The following PTCHD1 variants were observed in gnomAD, a reference collection of about 807,000 sequenced individuals.
PTCHD1 encodes the protein patched domain containing 1, also known as patched domain-containing protein 1.
Under a neutral mutation model 34.6 loss-of-function variants are expected in PTCHD1, and 3 were observed. That is an observed-to-expected ratio of 0.09 (90% CI 0.04 to 0.22). The LOEUF (loss-of-function observed/expected upper bound fraction) is 0.22, where lower values mean the gene tolerates loss of function less well. Among genes scored for constraint, PTCHD1 ranks in the 10% least tolerant of loss-of-function variants. The pLI is 1.00. For synonymous variants in PTCHD1, 305 were observed against 283.1 expected, an observed-to-expected ratio of 1.08 and a Z score of -0.77; for missense variants, 504 against 685.5, an observed-to-expected ratio of 0.74 and a Z score of 2.96.
Position 23,398,000 on chromosome X carries a change from C to G in PTCHD1, c.*3815C>G, listed in dbSNP as rs772789256. ...TAATATCAGTAAATGTCTTTAAATT[C>G]AGCAAATACTTATCGAGTGCCAAAT... On this transcript the variant is annotated 3_prime_UTR_variant, in exon 3 of 3. Coordinates refer to ENST00000379361, the MANE Select transcript of PTCHD1 (RefSeq NM_173495.3). The G allele has an allele frequency of 1.8e-5, 2 of 112,082 alleles. No homozygotes were observed. The highest frequency in any genetic ancestry group is 7.6e-4 in the South Asian group (2 of 2,646). The allele number at this position is 112,082 out of a possible 1,213,427, so 9.2% of individuals were successfully genotyped here. A position where few individuals can be genotyped will look rare whatever the true frequency, so the allele number is the denominator to read the frequency against.
At chrX:23,375,403 C>T (rs1283323637) in intron 1 of PTCHD1, among the ~76,000 whole-genome samples, 3 of 109,997 alleles carry the variant, frequency 2.7e-5, no homozygotes, top group African/African-American at 1.0e-4. Flanking sequence ...CATTCTCCTG[C>T]CTCAGCCTCC....
chrX:23,391,036 G>T (rs1339804427), intron 2 of PTCHD1, among the ~76,000 whole-genome samples: 1 of 111,866 alleles, frequency 8.9e-6, no homozygotes, highest in Non-Finnish European at 1.9e-5. Context: ...ACTTTGGTGA[G>T]CCTTCCAATG....
intron 2 of PTCHD1, among the ~76,000 whole-genome samples, chrX:23,389,471 A>G (rs1163377911): frequency 8.9e-6 from 1 of 111,984 alleles, no homozygotes; most frequent in Non-Finnish European, 1.9e-5. Context: ...GGTATCAGCA[A>G]TTGTCCCAGA....
rs1289452959 is a variant in PTCHD1 at position 23,402,748 on chromosome X, A to C, written c.*8563A>C. ...GCTAGGCCCAAACAAAAGAAATTTC[A>C]GCTTGGTTTTAGTAATTTCTTGATC... On this transcript the variant is annotated 3_prime_UTR_variant, in exon 3 of 3. Transcript: ENST00000379361. 8.9e-6 allele frequency: 1 copy of C among 112,456 alleles called. No homozygotes were observed. The highest frequency in any genetic ancestry group is 1.9e-5 in the Non-Finnish European group (1 of 53,316). The allele number at this position is 112,456 out of a possible 1,213,427, so 9.3% of individuals were successfully genotyped here. A position where few individuals can be genotyped will look rare whatever the true frequency, so the allele number is the denominator to read the frequency against.
intron 1 of PTCHD1, among the ~76,000 whole-genome samples, chrX:23,365,579 G>C (rs778231312): frequency 1.8e-5 from 2 of 111,640 alleles, no homozygotes; most frequent in South Asian, 7.7e-4. Context: ...CAGTCACACT[G>C]GGGGAAGCTC....
chrX:23,335,370 G>A (rs1921140254), intron 1 of PTCHD1, 144 bp downstream of exon 1: 3 of 504,624 alleles, frequency 5.9e-6, no homozygotes, highest in East Asian at 7.4e-5. Flanking sequence ...GCGCCCCAGG[G>A]CGGCCGACTG....
chrX:23,388,702 G>A (rs966810332), intron 2 of PTCHD1, among the ~76,000 whole-genome samples: 3 of 111,986 alleles, frequency 2.7e-5, no homozygotes, highest in Non-Finnish European at 5.6e-5. Context: ...GTGGTGGCAT[G>A]TGCCTGTAAT....
Position 23,380,194 on chromosome X carries a change from A to C in PTCHD1, c.955A>C (p.Asn319His). Residue 319 changes from asparagine (N) to histidine (H), a missense_variant, in exon 2 of 3, where the codon AAT (asparagine) becomes CAT (histidine). Physicochemically the swap from Asn to His is moderately conservative, Grantham distance 68. Transcript: ENST00000379361. ...CACTCTCACTGCAGCCGGGATCATCAATCTTACTGGTGGGAAATATAATTC... is the reference window on the plus strand; with the variant it reads ...CACTCTCACTGCAGCCGGGATCATCCATCTTACTGGTGGGAAATATAATTC... ...LATLTAAGII[N>H]LTGGKYNSTF... 1 of 1,210,921 alleles carries C rather than the reference A, an allele frequency of 8.3e-7. No individual in the cohort carries two copies. The highest frequency in any genetic ancestry group is 1.1e-6 in the Non-Finnish European group (1 of 895,201).
At chrX:23,384,410 G>A (rs1167528378) in intron 2 of PTCHD1, among the ~76,000 whole-genome samples, 3 of 111,981 alleles carry the variant, frequency 2.7e-5, no homozygotes, top group Non-Finnish European at 5.6e-5. Flanking sequence ...GGACGTGAAA[G>A]GAAGAAAGAA....
intron 1 of PTCHD1, among the ~76,000 whole-genome samples, chrX:23,342,287 TATATATATATATATATATATATA>T (rs1476891628): frequency 0.11 from 742 of 6,771 alleles, 15 homozygotes; most frequent in African/African-American, 0.42. Flanking sequence ...TATATATATA[TATATATATATATATATATATATA>T]TTTTTTTTTT....
In PTCHD1 at chrX:23,394,303, A is replaced by C. The variant is rs1922916456; in HGVS notation, c.*118A>C. On this transcript the variant is annotated 3_prime_UTR_variant, in exon 3 of 3. Coordinates refer to ENST00000379361, the MANE Select transcript of PTCHD1 (RefSeq NM_173495.3). Reference sequence around the variant, plus strand: ...TTAAAGATAGGAAACAGGCATTGCCAAAAAAAAAAAAAAAAAAAAAAGGAA... The same window carrying C: ...TTAAAGATAGGAAACAGGCATTGCCCAAAAAAAAAAAAAAAAAAAAAGGAA... 1 of 117,697 alleles carries C rather than the reference A, an allele frequency of 8.5e-6. No homozygotes were observed. Among genetic ancestry groups the C allele is most frequent in the East Asian group, 2.2e-4 (1 of 4,567 alleles). The allele number at this position is 117,697 out of a possible 1,213,427, so 9.7% of individuals were successfully genotyped here.
intron 1 of PTCHD1, among the ~76,000 whole-genome samples, chrX:23,355,649 A>C (rs1569134807): frequency 8.9e-6 from 1 of 112,574 alleles, no homozygotes; most frequent in Non-Finnish European, 1.9e-5. Flanking sequence ...GAGCTATGTT[A>C]TTTACAAGGT....
In PTCHD1 at chrX:23,403,998, C is replaced by T. The variant is rs1713749369; in HGVS notation, c.*9813C>T. Reference sequence around the variant, plus strand: ...ACAAAATCAGCAGGGAAAACCATCCCACTGATGATTGGCAATTCCACCGTT... The same window carrying T: ...ACAAAATCAGCAGGGAAAACCATCCTACTGATGATTGGCAATTCCACCGTT... On this transcript the variant is annotated 3_prime_UTR_variant, in exon 3 of 3. Coordinates refer to ENST00000379361, the MANE Select transcript of PTCHD1 (RefSeq NM_173495.3). The T allele has an allele frequency of 8.9e-6, 1 of 112,029 alleles. No homozygotes were observed. The highest frequency in any genetic ancestry group is 3.3e-5 in the African/African-American group (1 of 30,769). The allele number at this position is 112,029 out of a possible 1,213,427, so 9.2% of individuals were successfully genotyped here. A position where few individuals can be genotyped will look rare whatever the true frequency, so the allele number is the denominator to read the frequency against.
intron 1 of PTCHD1, among the ~76,000 whole-genome samples, chrX:23,356,214 T>C (rs1921797430): frequency 8.9e-6 from 1 of 112,282 alleles, no homozygotes; most frequent in Non-Finnish European, 1.9e-5. Context: ...ATCTTGAGTA[T>C]TGCGTGCCTA....
Position 23,379,805 on chromosome X carries a change from G to C in PTCHD1, c.566G>C (p.Gly189Ala), listed in dbSNP as rs780852726. 4.1e-6 allele frequency: 5 copies of C among 1,211,248 alleles called. No homozygotes were observed. The South Asian group carries it at 5.3e-5, about 13-fold the overall frequency. ...AAGGACGGGAGGGCTGTGTACAATG[G>C]GCACCAGCTTGGGGGCGTCACTGTG... ...HLKDGRAVYN[G>A]HQLGGVTVHS... The change falls in exon 2 of 3, where the codon GGG becomes GCG. Residue 189 changes from glycine to alanine, a missense_variant. Physicochemically the swap from Gly to Ala is moderately conservative, Grantham distance 60. Transcript: ENST00000379361.
intron 2 of PTCHD1, among the ~76,000 whole-genome samples, chrX:23,389,561 T>A (rs1922773667): frequency 8.9e-6 from 1 of 111,974 alleles, no homozygotes; most frequent in Admixed American, 9.4e-5. Context: ...GAGGTGTGGC[T>A]TGAGAAAGGA....
At chrX:23,375,011 GCC>G (rs1172195912) in intron 1 of PTCHD1, among the ~76,000 whole-genome samples, 15 of 112,043 alleles carry the variant, frequency 1.3e-4, no homozygotes, top group Non-Finnish European at 9.4e-5. Flanking sequence ...ATTCCATTGT[GCC>G]CCAGGACCTT....
At chrX:23,366,820 A>C (rs1601910492) in intron 1 of PTCHD1, among the ~76,000 whole-genome samples, 1 of 110,990 alleles carries the variant, frequency 9.0e-6, no homozygotes, top group Admixed American at 9.7e-5. Context: ...AGTAACTAAT[A>C]AATTTCAATG....
At chrX:23,348,431 C>T (rs1272778668) in intron 1 of PTCHD1, among the ~76,000 whole-genome samples, 2 of 111,242 alleles carry the variant, frequency 1.8e-5, no homozygotes. Flanking sequence ...CACCAAACCA[C>T]AGATCCAGGT....
Sources: allele counts gnomAD v4.1 joint callset (sites outside exome capture counted in the v4.1 genomes callset), GRCh38; gene constraint gnomAD v4.1.1; transcripts MANE v1.5; gene names NCBI Gene and HGNC (gene_info 2026-07-23, HGNC 2026-07-21).